PRKAG2: variants seen among roughly 807,000 people sequenced by gnomAD.
PRKAG2 encodes the protein 5'-AMP-activated protein kinase subunit gamma-2.
Under a neutral mutation model 69.6 loss-of-function variants are expected in PRKAG2, and 26 were observed. The ratio of observed to expected loss-of-function variants is 0.37; its 90% CI spans 0.27 to 0.52. The LOEUF is 0.52. PRKAG2 is among the 20% of genes least tolerant of loss of function. The pLI is 0.90. For synonymous variants in PRKAG2, 293 were observed against 285.0 expected (o/e 1.03, Z -0.28); for missense variants, 557 against 740.0 (o/e 0.75, Z 2.87).
chr7:151,844,859 G>T (rs1418317492), intron 1 of PRKAG2, among the ~76,000 whole-genome samples: 1 of 151,960 alleles, frequency 6.6e-6, no homozygotes, highest in African/African-American at 2.4e-5. Flanking sequence ...CCATGCAATT[G>T]TTGTCACATA....
chr7:151,648,992 G>A (rs897838882), intron 4 of PRKAG2, among the ~76,000 whole-genome samples: 1 of 152,068 alleles, frequency 6.6e-6, no homozygotes, highest in Non-Finnish European at 1.5e-5. Flanking sequence ...GAAAGACGTA[G>A]TCATTCATAT....
In PRKAG2 at chr7:151,675,544, A is replaced by C; in HGVS notation, c.560T>G (p.Leu187Ter). 1 of 1,614,086 alleles carries C rather than the reference A, an allele frequency of 6.2e-7. No individual in the cohort carries two copies. The highest frequency in any genetic ancestry group is 8.5e-7 in the Non-Finnish European group (1 of 1,179,944). Residue 187 changes from leucine (L) to a stop codon, truncating the protein, a stop_gained, in exon 4 of 16, where the codon TTA becomes TGA. Coordinates refer to ENST00000287878, the MANE Select transcript of PRKAG2 (RefSeq NM_016203.4). LOFTEE classifies it high-confidence loss of function. ...LESYKHEPER[L>*]ENRIYASSSP... The stretch of plus-strand genomic sequence containing the variant: ...AGACGAGGCATAGATGCGATTCTCT[A>C]ACCGTTCAGGCTCGTGCTTATAGGA...
At chr7:151,576,734 C>A (rs1809039394) in intron 6 of PRKAG2, among the ~76,000 whole-genome samples, 1 of 152,168 alleles carries the variant, frequency 6.6e-6, no homozygotes, top group Non-Finnish European at 1.5e-5. Context: ...CTCCTGACCT[C>A]AAGTGATCCA....
intron 3 of PRKAG2, among the ~76,000 whole-genome samples, chr7:151,707,838 A>T (rs2727561): frequency 6.6e-6 from 1 of 152,006 alleles, no homozygotes; most frequent in African/African-American, 2.4e-5. Flanking sequence ...TGCCCAACTC[A>T]CCCCGGGGCC....
intron 3 of PRKAG2, among the ~76,000 whole-genome samples, chr7:151,713,090 C>T (rs1795583434): frequency 6.6e-6 from 1 of 152,180 alleles, no homozygotes; most frequent in Admixed American, 6.5e-5. Flanking sequence ...CCCATTTCTC[C>T]TGTATGGCAC....
chr7:151,860,699 A>C lies in PRKAG2; in HGVS notation c.114+15808T>G, dbSNP rs558385614. 9.1e-4 allele frequency among the ~76,000 whole-genome samples: 138 copies of C among 152,190 alleles called. 1 individual carries two copies. The highest frequency in any genetic ancestry group is 3.3e-3 in the African/African-American group (135 of 41,518). On this transcript the variant is annotated intron_variant, in intron 1 of 15. Transcript: ENST00000287878. ...CCATGAGTTCCCCATTAGACAGCAAATGCCCCAAGGAGAAGAGGACAAAAA... is the reference window on the plus strand; with the variant it reads ...CCATGAGTTCCCCATTAGACAGCAACTGCCCCAAGGAGAAGAGGACAAAAA...
chr7:151,724,870 C>T (rs1016331474), intron 3 of PRKAG2, among the ~76,000 whole-genome samples: 17 of 152,152 alleles, frequency 1.1e-4, no homozygotes, highest in Non-Finnish European at 2.4e-4. Flanking sequence ...TTTCTACCTT[C>T]AGAAACTCCG....
rs541424287 is a variant in PRKAG2, at chr7:151,819,850, G to A, written c.115-33309C>T. On this transcript the variant is annotated intron_variant, in intron 1 of 15. Transcript: ENST00000287878. The stretch of plus-strand genomic sequence containing the variant: ...TACTGAGTGTGCATGCAGCTCCTGC[G>A]GTGGCTGACTTGTGTTTGGAGCATG... Among the ~76,000 whole-genome samples, 6 of 152,290 alleles carry A rather than the reference G, an allele frequency of 3.9e-5. 1 individual carries two copies. The highest frequency in any genetic ancestry group is 3.9e-4 in the East Asian group (2 of 5,178).
intron 6 of PRKAG2, among the ~76,000 whole-genome samples, chr7:151,590,510 G>A (rs578191013): frequency 5.1e-4 from 78 of 152,298 alleles, no homozygotes; most frequent in Non-Finnish European, 5.4e-4. Flanking sequence ...TTCCAGATTC[G>A]GGAGTTCCTC....
intron 5 of PRKAG2, among the ~76,000 whole-genome samples, chr7:151,628,724 C>T (rs1823640051): frequency 7.9e-6 from 1 of 126,630 alleles, no homozygotes; most frequent in South Asian, 2.2e-4. Flanking sequence ...GGAAAAATTG[C>T]TATGGGCAAG....
rs1431503976 is a variant in PRKAG2, at chr7:151,836,735, A to AGGT, written c.114+39769_114+39771dup. On this transcript the variant is annotated intron_variant, in intron 1 of 15. Transcript: ENST00000287878. The surrounding 1 kb of genome is among the most constrained non-coding windows in gnomAD (Gnocchi z 4.1). Reference sequence around the variant, plus strand: ...ACAGCTCCTGGGCTGGAGAACTGTGAGGTAGGACCTAGCCCCTCGGGTCCC... The same window carrying AGGT: ...ACAGCTCCTGGGCTGGAGAACTGTGAGGTGGTAGGACCTAGCCCCTCGGGTCCC... Among the ~76,000 whole-genome samples the AGGT allele has an allele frequency of 6.6e-6, 1 of 152,190 alleles. No individual in the cohort carries two copies. The highest frequency in any genetic ancestry group is 1.5e-5 in the Non-Finnish European group (1 of 68,030).
At chr7:151,636,024 A>ATTT (rs113433056) in intron 4 of PRKAG2, among the ~76,000 whole-genome samples, 3 of 150,140 alleles carry the variant, frequency 2.0e-5, no homozygotes, top group Non-Finnish European at 4.5e-5. Context: ...AATTTTTTGT[A>ATTT]TTTTTTTTAG....
chr7:151,720,832 G>A (rs1172581790), intron 3 of PRKAG2, among the ~76,000 whole-genome samples: 2 of 142,154 alleles, frequency 1.4e-5, no homozygotes, highest in African/African-American at 5.3e-5. Flanking sequence ...GGGGATAGAG[G>A]GGACAGAAGG....
At position 151,675,507 on chromosome 7, in the gene PRKAG2, G is replaced by T; in HGVS notation, c.597C>A (p.Asp199Glu). ...AAGACGGGCAGAACCTCTGCCCTGT[G>T]TCCGGGGGGGAAGACGAGGCATAGA... The part of the protein sequence containing the change: ...NRIYASSSPP[D>E]TGQRFCPSSF... Residue 199 changes from aspartate to glutamate, a missense_variant, in exon 4 of 16, where the codon GAC (aspartate) becomes GAA (glutamate). Transcript: ENST00000287878. 1 of 1,614,238 alleles carries T rather than the reference G, an allele frequency of 6.2e-7. No homozygotes were observed. The highest frequency in any genetic ancestry group is 8.5e-7 in the Non-Finnish European group (1 of 1,180,040).
At chr7:151,679,814 C>A (rs544266850) in intron 3 of PRKAG2, among the ~76,000 whole-genome samples, 186 of 152,072 alleles carry the variant, frequency 1.2e-3, no homozygotes, top group African/African-American at 4.4e-3. Flanking sequence ...CCTGTAGCCC[C>A]GGCACTTTGG....
intron 5 of PRKAG2, among the ~76,000 whole-genome samples, chr7:151,619,646 G>A (rs1380006866): frequency 3.3e-5 from 5 of 152,184 alleles, no homozygotes; most frequent in African/African-American, 1.2e-4. Flanking sequence ...TATGAAACAT[G>A]AATTTCGTGT....
intron 1 of PRKAG2, among the ~76,000 whole-genome samples, chr7:151,830,290 C>T (rs75521567): frequency 0.25 from 38,304 of 151,612 alleles, 5,417 homozygotes; most frequent in Non-Finnish European, 0.29. Context: ...GCCACCTGCA[C>T]GGGCCAGAGC....
chr7:151,573,120 AG>A lies in PRKAG2; in HGVS notation c.1006-412del, dbSNP rs1474534485. On this transcript the variant is annotated intron_variant, in intron 8 of 15. Coordinates refer to ENST00000287878, the MANE Select transcript of PRKAG2 (RefSeq NM_016203.4). ...AGAGTGAGACTCTGTCTCAAAAAAA[AG>A]AAAGTGAGGTGAGATATAGAGAAAA... Among the ~76,000 whole-genome samples, 9 of 151,834 alleles carry A rather than the reference AG, an allele frequency of 5.9e-5. No individual in the cohort carries two copies. In the East Asian group the frequency reaches 1.7e-3, roughly 29 times the overall value.
chr7:151,725,513 A>G (rs1797798220), intron 3 of PRKAG2, among the ~76,000 whole-genome samples: 1 of 151,548 alleles, frequency 6.6e-6, no homozygotes, highest in African/African-American at 2.4e-5. Context: ...ACACCTAAAG[A>G]TGGGTACATT....
Sources: gnomAD v4.1 joint callset for allele counts (sites outside exome capture counted in the v4.1 genomes callset) on GRCh38, gnomAD v4.1.1 for gene constraint, Gnocchi (gnomAD v3.1) non-coding constraint, MANE v1.5 for transcripts, NCBI Gene and HGNC (gene_info 2026-07-23, HGNC 2026-07-21) for gene names.